AGTR1: variants seen among roughly 807,000 people sequenced by gnomAD.
The protein encoded by AGTR1 is type-1 angiotensin II receptor.
In AGTR1, 16 loss-of-function variants were observed where a neutral mutation model predicts 19.4. The observed-to-expected ratio is 0.82, with a 90% CI of 0.56 to 1.25. AGTR1 has a LOEUF of 1.25. Among genes scored for constraint, AGTR1 ranks in the 50% most tolerant of loss-of-function variants. The probability of loss-of-function intolerance (pLI) is 0.00; values close to 1 mark genes in which losing one functional copy is unlikely to be tolerated. For missense variants in AGTR1, 373 were observed against 431.9 expected (o/e 0.86, Z 1.21); for synonymous variants, 153 against 154.9 (o/e 0.99, Z 0.09).
intron 1 of AGTR1, among the ~76,000 whole-genome samples, chr3:148,704,009 A>G (rs1247962955): frequency 1.3e-5 from 2 of 152,158 alleles, no homozygotes; most frequent in Non-Finnish European, 2.9e-5. Context: ...TGCTTTTTGT[A>G]TATCAATTAT....
chr3:148,700,252 T>C (rs1261220857), intron 1 of AGTR1, among the ~76,000 whole-genome samples: 2 of 152,182 alleles, frequency 1.3e-5, no homozygotes, highest in Non-Finnish European at 2.9e-5. Context: ...TTAATACTAA[T>C]GACTAATTTT....
intron 2 of AGTR1, among the ~76,000 whole-genome samples, chr3:148,735,550 T>A (rs1181454857): frequency 6.6e-6 from 1 of 152,058 alleles, no homozygotes; most frequent in African/African-American, 2.4e-5. Context: ...AGCAATTGGG[T>A]AGGGGCTCTT....
At chr3:148,708,567 CAA>C (rs1349832489) in intron 2 of AGTR1, among the ~76,000 whole-genome samples, 3 of 152,150 alleles carry the variant, frequency 2.0e-5, no homozygotes, top group Non-Finnish European at 4.4e-5. Context: ...GGAAAAAAGA[CAA>C]TGTGAAATTG....
chr3:148,738,625 C>T (rs1367340814), intron 2 of AGTR1, among the ~76,000 whole-genome samples: 1 of 152,182 alleles, frequency 6.6e-6, no homozygotes, highest in African/African-American at 2.4e-5. Flanking sequence ...AGTCATACCT[C>T]CCTAAAAGCC....
In AGTR1 at chr3:148,741,779, C is replaced by G; in HGVS notation, c.744C>G (p.Phe248Leu). 1 of 1,613,146 alleles carries G rather than the reference C, an allele frequency of 6.2e-7. No homozygotes were observed. Among genetic ancestry groups the G allele is most frequent in the Non-Finnish European group, 8.5e-7 (1 of 1,179,906 alleles). Residue 248 changes from phenylalanine to leucine, a missense_variant, in exon 3 of 3, where the codon TTC (phenylalanine) becomes TTG (leucine). By Grantham distance (22) the Phe-to-Leu change is conservative. Coordinates refer to ENST00000349243, the MANE Select transcript of AGTR1 (RefSeq NM_000685.5). ...IFKIIMAIVLFFFFSWIPHQI... is the reference protein window; with the variant it reads ...IFKIIMAIVLLFFFSWIPHQI... ...AGATAATTATGGCAATTGTGCTTTTCTTTTTCTTTTCCTGGATTCCCCACC... is the reference window on the plus strand; with the variant it reads ...AGATAATTATGGCAATTGTGCTTTTGTTTTTCTTTTCCTGGATTCCCCACC...
At chr3:148,737,586 A>G (rs551420469) in intron 2 of AGTR1, among the ~76,000 whole-genome samples, 2 of 152,252 alleles carry the variant, frequency 1.3e-5, no homozygotes, top group Admixed American at 1.3e-4. Flanking sequence ...TGCATCCTGG[A>G]CACCCACACA....
At chr3:148,739,220 A>C (rs774739310) in intron 2 of AGTR1, among the ~76,000 whole-genome samples, 3 of 152,160 alleles carry the variant, frequency 2.0e-5, no homozygotes, top group Admixed American at 6.5e-5. Flanking sequence ...TTAGCTGGGC[A>C]TGATGGTACA....
At chr3:148,733,313 G>A (rs1230565575) in intron 2 of AGTR1, among the ~76,000 whole-genome samples, 1 of 152,090 alleles carries the variant, frequency 6.6e-6, no homozygotes, top group Non-Finnish European at 1.5e-5. Flanking sequence ...AATGTTAAAA[G>A]CTTTAATCTA....
intron 2 of AGTR1, among the ~76,000 whole-genome samples, chr3:148,721,507 G>C (rs1297941198): frequency 1.3e-5 from 2 of 152,186 alleles, no homozygotes; most frequent in African/African-American, 4.8e-5. Flanking sequence ...ACATACATAT[G>C]AAACAATGGT....
intron 1 of AGTR1, among the ~76,000 whole-genome samples, chr3:148,706,960 A>G (rs772536720): frequency 2.0e-5 from 3 of 152,048 alleles, no homozygotes; most frequent in Non-Finnish European, 4.4e-5. Flanking sequence ...TATTATATAG[A>G]TACATTCATA....
At chr3:148,724,329 A>AATAG (rs1163530044) in intron 2 of AGTR1, among the ~76,000 whole-genome samples, 1 of 152,188 alleles carries the variant, frequency 6.6e-6, no homozygotes, top group Admixed American at 6.5e-5. Flanking sequence ...CCATAACAAC[A>AATAG]ATAGAATGCT....
intron 2 of AGTR1, among the ~76,000 whole-genome samples, chr3:148,738,961 A>G (rs1462093487): frequency 6.6e-6 from 1 of 152,258 alleles, no homozygotes; most frequent in African/African-American, 2.4e-5. Context: ...GGCCTACACC[A>G]GAAAACAAGG....
chr3:148,699,568 A>G (rs1288294803), intron 1 of AGTR1, among the ~76,000 whole-genome samples: 1 of 140,502 alleles, frequency 7.1e-6, no homozygotes, highest in Non-Finnish European at 1.5e-5. Context: ...CTCCCACTTA[A>G]CTTGCTGTGT....
At chr3:148,736,604 A>G (rs1419358405) in intron 2 of AGTR1, among the ~76,000 whole-genome samples, 1 of 152,242 alleles carries the variant, frequency 6.6e-6, no homozygotes, top group Non-Finnish European at 1.5e-5. Flanking sequence ...ATCATGTGCA[A>G]TAAATATCAC....
At chr3:148,738,950 G>A (rs927992489) in intron 2 of AGTR1, among the ~76,000 whole-genome samples, 1 of 152,124 alleles carries the variant, frequency 6.6e-6, no homozygotes, top group Non-Finnish European at 1.5e-5. Context: ...GAACATACCA[G>A]GGCCTACACC....
chr3:148,732,771 C>T (rs986155236), intron 2 of AGTR1, among the ~76,000 whole-genome samples: 3 of 117,402 alleles, frequency 2.6e-5, no homozygotes, highest in African/African-American at 1.0e-4. Flanking sequence ...GACGGAGTCT[C>T]GCTCTGTCGC....
At chr3:148,739,286 G>A (rs1253996527) in intron 2 of AGTR1, among the ~76,000 whole-genome samples, 4 of 151,912 alleles carry the variant, frequency 2.6e-5, no homozygotes, top group African/African-American at 9.7e-5. Flanking sequence ...TTGAACCTGG[G>A]AGGTAGAGAT....
chr3:148,703,009 A>T (rs974121529), intron 1 of AGTR1, among the ~76,000 whole-genome samples: 2 of 152,216 alleles, frequency 1.3e-5, no homozygotes, highest in African/African-American at 4.8e-5. Context: ...AGCAGCAATG[A>T]CAAGGGTAAA....
At chr3:148,737,546 AGAG>A (rs1415033319) in intron 2 of AGTR1, among the ~76,000 whole-genome samples, 2 of 152,312 alleles carry the variant, frequency 1.3e-5, no homozygotes, top group South Asian at 2.1e-4. Context: ...TAAACTGTGT[AGAG>A]GAGGAGAACT....
Sources: allele counts gnomAD v4.1 joint callset (sites outside exome capture counted in the v4.1 genomes callset), GRCh38; gene constraint gnomAD v4.1.1; transcripts MANE v1.5; gene names NCBI Gene and HGNC (gene_info 2026-07-23, HGNC 2026-07-21).